PATJ: variants seen among roughly 807,000 people sequenced by gnomAD.
PATJ encodes PATJ crumbs cell polarity complex component.
Under a neutral mutation model 224.9 loss-of-function variants are expected in PATJ, and 190 were observed. The observed-to-expected ratio is 0.84, with a 90% CI of 0.75 to 0.95. PATJ has a LOEUF of 0.95. Among genes scored for constraint, PATJ ranks in the 40% least tolerant of loss-of-function variants. The probability of loss-of-function intolerance (pLI) is 0.00; values close to 1 mark genes in which losing one functional copy is unlikely to be tolerated. For synonymous variants in PATJ, 769 were observed against 820.3 expected (o/e 0.94, Z 1.07); for missense variants, 2,121 against 2,270.3 (o/e 0.93, Z 1.34).
intron 27 of PATJ, among the ~76,000 whole-genome samples, chr1:61,934,125 TTATTGTTGTTGAGA>T (rs1213079735): frequency 6.5e-5 from 9 of 139,016 alleles, no homozygotes; most frequent in Non-Finnish European, 1.2e-4. Context: ...GTTGTTGTTG[TTATTGTTGTTGAGA>T]TGGAGTTTCG....
intron 3 of PATJ, among the ~76,000 whole-genome samples, chr1:61,765,150 T>C (rs933612267): frequency 3.5e-4 from 49 of 141,782 alleles, no homozygotes; most frequent in Non-Finnish European, 1.1e-4. Flanking sequence ...TTATGGATCA[T>C]TGTAGCCTCA....
chr1:62,121,106 C>A, intron 37 of PATJ, 75 bp from the exon 38 acceptor site: 2 of 900,288 alleles, frequency 2.2e-6, no homozygotes, highest in Non-Finnish European at 3.5e-6. Context: ...GTAATTGGCA[C>A]ACTAATGGAT....
chr1:62,058,416 A>G (rs1253293381), intron 31 of PATJ, among the ~76,000 whole-genome samples: 1 of 152,234 alleles, frequency 6.6e-6, no homozygotes, highest in Non-Finnish European at 1.5e-5. Context: ...ACGTGTTACA[A>G]ATAACACCTG....
At chr1:62,060,283 C>T (rs1207375749) in intron 31 of PATJ, among the ~76,000 whole-genome samples, 2 of 152,148 alleles carry the variant, frequency 1.3e-5, no homozygotes, top group Admixed American at 1.3e-4. Context: ...AGACTTAGAG[C>T]CTGTGAGTGC....
chr1:61,935,725 A>G (rs1192194730), intron 27 of PATJ, among the ~76,000 whole-genome samples: 4 of 152,118 alleles, frequency 2.6e-5, no homozygotes, highest in African/African-American at 7.2e-5. Context: ...TGGGAGGTCA[A>G]GGTTACAGTG....
At chr1:61,989,128 C>T (rs1569715982) in intron 27 of PATJ, among the ~76,000 whole-genome samples, 1 of 152,078 alleles carries the variant, frequency 6.6e-6, no homozygotes, top group East Asian at 1.9e-4. Context: ...CTGCACAGAA[C>T]CAACACAAGT....
chr1:62,042,065 A>C (rs891561908), intron 30 of PATJ, among the ~76,000 whole-genome samples: 2 of 152,220 alleles, frequency 1.3e-5, no homozygotes, highest in Non-Finnish European at 2.9e-5. Flanking sequence ...TGTAAAGTAT[A>C]AATAATGCCA....
intron 5 of PATJ, among the ~76,000 whole-genome samples, chr1:61,770,329 A>G (rs1285843617): frequency 6.6e-6 from 1 of 152,206 alleles, no homozygotes; most frequent in Non-Finnish European, 1.5e-5. Flanking sequence ...GTAAACCAGG[A>G]CAGAGTAAAT....
chr1:62,119,215 G>A lies in PATJ; in HGVS notation c.4891-1966G>A, dbSNP rs182419607. On this transcript the variant is annotated intron_variant, in intron 37 of 43. Transcript: ENST00000642238. ...TTAAAATTATGGGTGAGATAGAAGA[G>A]TTTGCCCTATTTGGCTAATTAGAAG... 3.9e-5 allele frequency among the ~76,000 whole-genome samples: 6 copies of A among 152,280 alleles called. No homozygotes were observed. In the East Asian group the frequency reaches 1.2e-3, roughly 29 times the overall value.
intron 33 of PATJ, among the ~76,000 whole-genome samples, chr1:62,092,723 G>A (rs79276139): frequency 0.012 from 1,675 of 140,662 alleles, 32 homozygotes; most frequent in East Asian, 0.12. Flanking sequence ...GCAAGAAAAC[G>A]ACTTTTATTT....
intron 32 of PATJ, among the ~76,000 whole-genome samples, chr1:62,080,712 C>A (rs999249357): frequency 2.0e-5 from 3 of 152,084 alleles, no homozygotes; most frequent in African/African-American, 7.2e-5. Context: ...AAAGCATAAC[C>A]CTGCATTAAT....
intron 12 of PATJ, among the ~76,000 whole-genome samples, chr1:61,804,544 C>T (rs1653149797): frequency 6.6e-6 from 1 of 152,126 alleles, no homozygotes; most frequent in Non-Finnish European, 1.5e-5. Context: ...GTTGTGATAA[C>T]TGTTCTGTGA....
At chr1:62,143,083 G>A (rs1667660273) in intron 41 of PATJ, among the ~76,000 whole-genome samples, 1 of 152,102 alleles carries the variant, frequency 6.6e-6, no homozygotes, top group South Asian at 2.1e-4. Flanking sequence ...GTAAAGTTTT[G>A]AGAAGGATTT....
At chr1:61,880,679 A>G (rs1012782195) in intron 21 of PATJ, among the ~76,000 whole-genome samples, 3 of 152,272 alleles carry the variant, frequency 2.0e-5, no homozygotes, top group African/African-American at 7.2e-5. Context: ...TCAACCCAGT[A>G]CAATAGTATT....
At chr1:61,938,152 A>G (rs769458932) in intron 27 of PATJ, among the ~76,000 whole-genome samples, 3 of 152,138 alleles carry the variant, frequency 2.0e-5, no homozygotes, top group Non-Finnish European at 2.9e-5. Context: ...CTAGATGCTG[A>G]TAGTACCCTC....
chr1:61,976,696 G>A (rs74980532), intron 27 of PATJ, among the ~76,000 whole-genome samples: 12,626 of 151,852 alleles, frequency 0.083, 1,630 homozygotes, highest in African/African-American at 0.27. Flanking sequence ...GCATGCGCCA[G>A]TGTGCCCGGA....
chr1:62,001,616 G>A (rs1266411045), intron 28 of PATJ, among the ~76,000 whole-genome samples: 6 of 151,814 alleles, frequency 4.0e-5, no homozygotes, highest in African/African-American at 1.5e-4. Flanking sequence ...ATCAGGTAGC[G>A]TGATGCCTCC....
chr1:62,054,001 G>A (rs980661529), intron 31 of PATJ, among the ~76,000 whole-genome samples: 4 of 152,140 alleles, frequency 2.6e-5, no homozygotes, highest in African/African-American at 9.7e-5. Flanking sequence ...GAGGGGGAAG[G>A]AAGATAGACA....
At chr1:61,878,075 A>T (rs1013454409) in intron 21 of PATJ, among the ~76,000 whole-genome samples, 2 of 152,234 alleles carry the variant, frequency 1.3e-5, no homozygotes, top group African/African-American at 4.8e-5. Context: ...CAATTCATGA[A>T]GTTTTAAACT....
Sources: gnomAD v4.1 joint callset for allele counts (sites outside exome capture counted in the v4.1 genomes callset) on GRCh38, gnomAD v4.1.1 for gene constraint, MANE v1.5 for transcripts, NCBI Gene and HGNC (gene_info 2026-07-23, HGNC 2026-07-21) for gene names.